The following FBXL7 variants were observed in gnomAD, a reference collection of about 807,000 sequenced individuals.
The protein encoded by FBXL7 is F-box and leucine rich repeat protein 7, also known as F-box/LRR-repeat protein 7.
In FBXL7, 12 loss-of-function variants were observed where a neutral mutation model predicts 38.3. The ratio of observed to expected loss-of-function variants is 0.31; its 90% CI spans 0.20 to 0.51. FBXL7 has a LOEUF of 0.51. Ranked by LOEUF, FBXL7 falls within the 20% of genes least tolerant of loss-of-function variation. The pLI is 0.98. For synonymous variants in FBXL7, 297 were observed against 300.9 expected (o/e 0.99, Z 0.13); for missense variants, 567 against 676.4 (o/e 0.84, Z 1.79).
chr5:15,549,459 CT>C (rs1738003033), intron 1 of FBXL7, among the ~76,000 whole-genome samples: 1 of 152,092 alleles, frequency 6.6e-6, no homozygotes, highest in Non-Finnish European at 1.5e-5. Flanking sequence ...AATCCTGCCC[CT>C]TGCCTTTCTT....
chr5:15,839,003 A>ACGG (rs1738670701), intron 2 of FBXL7, among the ~76,000 whole-genome samples: 1 of 151,916 alleles, frequency 6.6e-6, no homozygotes, highest in East Asian at 1.9e-4. Flanking sequence ...TGTTTTTAAA[A>ACGG]CCTTTTCATG....
chr5:15,534,194 A>G (rs575524408), intron 1 of FBXL7, among the ~76,000 whole-genome samples: 3 of 152,254 alleles, frequency 2.0e-5, no homozygotes, highest in East Asian at 3.9e-4. Flanking sequence ...CCCAAAATCC[A>G]TAGTTTACAT....
At chr5:15,597,291 A>G (rs959138646) in intron 1 of FBXL7, among the ~76,000 whole-genome samples, 1 of 152,154 alleles carries the variant, frequency 6.6e-6, no homozygotes, top group African/African-American at 2.4e-5. Context: ...TTGAGAGCAG[A>G]GAATAAAAAT....
intron 2 of FBXL7, among the ~76,000 whole-genome samples, chr5:15,818,664 A>G (rs1738083210): frequency 6.7e-6 from 1 of 148,578 alleles, no homozygotes; most frequent in African/African-American, 2.5e-5. Flanking sequence ...ATGGGACTTA[A>G]ATTTTTATAT....
chr5:15,811,184 T>A (rs964411067), intron 2 of FBXL7, among the ~76,000 whole-genome samples: 1 of 152,334 alleles, frequency 6.6e-6, no homozygotes, highest in East Asian at 1.9e-4. Flanking sequence ...TGGGAACTTT[T>A]GCTGTGAGAT....
At chr5:15,840,576 C>G (rs753896247) in intron 2 of FBXL7, among the ~76,000 whole-genome samples, 1 of 151,974 alleles carries the variant, frequency 6.6e-6, no homozygotes, top group African/African-American at 2.4e-5. Flanking sequence ...GATTATTGAC[C>G]GGGCACAGTG....
intron 2 of FBXL7, among the ~76,000 whole-genome samples, chr5:15,902,945 A>T (rs992869824): frequency 6.6e-6 from 1 of 152,222 alleles, no homozygotes; most frequent in Non-Finnish European, 1.5e-5. Context: ...CGTGGGACTG[A>T]CTAGTGTCCA....
intron 1 of FBXL7, among the ~76,000 whole-genome samples, chr5:15,609,572 A>C (rs921636831): frequency 6.6e-6 from 1 of 152,140 alleles, no homozygotes; most frequent in Non-Finnish European, 1.5e-5. Flanking sequence ...TGCCCCTGAC[A>C]TGGCAATCTG....
chr5:15,771,140 T>G (rs1207969736), intron 2 of FBXL7, among the ~76,000 whole-genome samples: 1 of 152,218 alleles, frequency 6.6e-6, no homozygotes, highest in African/African-American at 2.4e-5. Context: ...GAGTCGGTCA[T>G]TGGTGGACCT....
Position 15,570,281 on chromosome 5 carries a change from C to G in FBXL7, c.38-45702C>G, listed in dbSNP as rs377223187. Among the ~76,000 whole-genome samples the G allele has an allele frequency of 7.9e-5, 12 of 152,214 alleles. 1 individual carries two copies. Among genetic ancestry groups the G allele is most frequent in the Admixed American group, 5.9e-4 (9 of 15,290 alleles). The stretch of plus-strand genomic sequence containing the variant: ...CTCAATTTCAGAGCCTGTTATTGGT[C>G]TATTCAGAGATTCAGCTTCTTCCTG... On this transcript the variant is annotated intron_variant, in intron 1 of 3. Coordinates refer to ENST00000504595, the MANE Select transcript of FBXL7 (RefSeq NM_012304.5).
At chr5:15,526,326 A>G (rs748901244) in intron 1 of FBXL7, among the ~76,000 whole-genome samples, 3 of 152,038 alleles carry the variant, frequency 2.0e-5, no homozygotes, top group Non-Finnish European at 4.4e-5. Context: ...CACACAGATT[A>G]CCTCACTCGC....
chr5:15,918,348 TCA>T (rs1184513631), intron 2 of FBXL7, among the ~76,000 whole-genome samples: 1 of 152,198 alleles, frequency 6.6e-6, no homozygotes, highest in Non-Finnish European at 1.5e-5. Context: ...AATCTAGGAC[TCA>T]CACACTTTCT....
Position 15,859,289 on chromosome 5 carries a change from C to G in FBXL7, c.128-68601C>G, listed in dbSNP as rs114931474. Among the ~76,000 whole-genome samples the G allele has an allele frequency of 3.5e-3, 536 of 152,182 alleles. 4 individuals carry two copies. The highest frequency in any genetic ancestry group is 0.012 in the African/African-American group (517 of 41,504). ...GACACAATAAGATAAGCATGATTAC[C>G]CCAGTTGAGATAAGCATCAGAGATC... On this transcript the variant is annotated intron_variant, in intron 2 of 3. Coordinates refer to ENST00000504595, the MANE Select transcript of FBXL7 (RefSeq NM_012304.5).
Position 15,714,379 on chromosome 5 carries a change from G to T in FBXL7, c.127+98307G>T, listed in dbSNP as rs372047025. Among the ~76,000 whole-genome samples the T allele has an allele frequency of 3.2e-4, 49 of 152,270 alleles. 2 individuals are homozygous for T. In the South Asian group the frequency reaches 0.01, roughly 32 times the overall value. On this transcript the variant is annotated intron_variant, in intron 2 of 3. Transcript: ENST00000504595. ...AGATTCCTGAGGCCTCCACAGGCATGCTTCCAGTACAGCCTGTAGCACTGT... is the reference window on the plus strand; with the variant it reads ...AGATTCCTGAGGCCTCCACAGGCATTCTTCCAGTACAGCCTGTAGCACTGT...
intron 1 of FBXL7, among the ~76,000 whole-genome samples, chr5:15,551,125 C>A (rs2126422024): frequency 6.6e-6 from 1 of 152,230 alleles, no homozygotes; most frequent in African/African-American, 2.4e-5. Context: ...TGTACTCAGC[C>A]CTGCCACAGA....
chr5:15,596,109 T>C (rs1306565588), intron 1 of FBXL7, among the ~76,000 whole-genome samples: 1 of 152,168 alleles, frequency 6.6e-6, no homozygotes, highest in Non-Finnish European at 1.5e-5. Context: ...CAGTTGGAAT[T>C]AGAATGAAGC....
At position 15,868,035 on chromosome 5, in the gene FBXL7, C is replaced by T. The variant is rs113626750; in HGVS notation, c.128-59855C>T. Among the ~76,000 whole-genome samples, 767 of 142,794 alleles carry T rather than the reference C, an allele frequency of 5.4e-3. 10 individuals carry two copies. The highest frequency in any genetic ancestry group is 0.019 in the African/African-American group (724 of 38,162). 93.7% of individuals were successfully genotyped at this position (142,794 alleles called of 152,430 possible). ...AGGAGAATCACTTGAACCCGGGAGG[C>T]GGAGGTTGCGGTGAGCTGAGATTGC... is the stretch of plus-strand genomic sequence containing the variant. On this transcript the variant is annotated intron_variant, in intron 2 of 3. Transcript: ENST00000504595.
intron 2 of FBXL7, among the ~76,000 whole-genome samples, chr5:15,760,915 TAAC>T (rs1736423037): frequency 6.6e-6 from 1 of 151,474 alleles, no homozygotes; most frequent in African/African-American, 2.4e-5. Flanking sequence ...TGTAATAGGC[TAAC>T]AACAATTAAA....
chr5:15,576,400 A>C (rs1189440857), intron 1 of FBXL7, among the ~76,000 whole-genome samples: 2 of 152,090 alleles, frequency 1.3e-5, no homozygotes, highest in Non-Finnish European at 2.9e-5. Flanking sequence ...CTCATTCTTA[A>C]TGTATCTATT....
Sources: allele counts gnomAD v4.1 joint callset (sites outside exome capture counted in the v4.1 genomes callset), GRCh38; gene constraint gnomAD v4.1.1; transcripts MANE v1.5; gene names NCBI Gene and HGNC (gene_info 2026-07-23, HGNC 2026-07-21).